The following TLN1 variants were observed in gnomAD, a reference collection of about 807,000 sequenced individuals.
TLN1 encodes the protein talin-1.
Under a neutral mutation model 292.3 loss-of-function variants are expected in TLN1, and 56 were observed. That is an observed-to-expected ratio of 0.19 (90% CI 0.15 to 0.24). TLN1 has a LOEUF of 0.24. Ranked by LOEUF, TLN1 falls within the 10% of genes least tolerant of loss-of-function variation. The pLI, the probability that TLN1 is intolerant of heterozygous loss-of-function variation, is 1.00. For missense variants in TLN1, 2,433 were observed against 3,248.2 expected (o/e 0.75, Z 6.10); for synonymous variants, 1,119 against 1,253.7 (o/e 0.89, Z 2.27).
In TLN1 at chr9:35,704,914, A is replaced by C. The variant is rs747279595; in HGVS notation, c.5734-99T>G. 41 of 1,364,918 alleles carry C rather than the reference A, an allele frequency of 3.0e-5. No homozygotes were observed. Among genetic ancestry groups the C allele is most frequent in the Non-Finnish European group, 3.8e-5 (38 of 998,682 alleles). 84.6% of individuals were successfully genotyped at this position (1,364,918 alleles called of 1,614,324 possible). ...ACTAAGGACATAGAAAAAAACATGC[A>C]TTGTAGACTAAAGAAGCAGAGAGAG... On this transcript the variant is annotated intron_variant, in intron 43 of 56. Transcript: ENST00000314888. This position sits in a 1 kb window ranked among gnomAD's most constrained non-coding sequence, Gnocchi z 6.9.
At position 35,719,453 on chromosome 9, in the gene TLN1, T is replaced by G; in HGVS notation, c.1687+66A>C. ...ACAGTCACACATGAAGCCAGTCACA[T>G]GCATGCCTGTGCACACTTGCACCCC... is the stretch of plus-strand genomic sequence containing the variant. On this transcript the variant is annotated intron_variant, in intron 15 of 56. Transcript: ENST00000314888. The surrounding 1 kb of genome is among the most constrained non-coding windows in gnomAD (Gnocchi z 4.6). 4.2e-6 allele frequency: 6 copies of G among 1,444,336 alleles called. No individual in the cohort carries two copies. Among genetic ancestry groups the G allele is most frequent in the South Asian group, 2.3e-5 (2 of 87,644 alleles). 89.5% of individuals were successfully genotyped at this position (1,444,336 alleles called of 1,614,324 possible).
Position 35,711,123 on chromosome 9 carries a change from A to T in TLN1, c.4020-41T>A, listed in dbSNP as rs141608333. 1.3e-4 allele frequency: 217 copies of T among 1,610,868 alleles called. 1 individual carries two copies. In the African/African-American group the frequency reaches 2.5e-3, roughly 19 times the overall value. ...AGTTGAGTGAAAAGGTGAATAGGTCATCATTCCTGGGTCCTATGTAAGTAT... is the reference window on the plus strand; with the variant it reads ...AGTTGAGTGAAAAGGTGAATAGGTCTTCATTCCTGGGTCCTATGTAAGTAT... On this transcript the variant is annotated intron_variant, in intron 30 of 56. Transcript: ENST00000314888.
intron 12 of TLN1, 50 bp from the exon 13 acceptor site, chr9:35,720,269 C>T (rs370482394): frequency 2.4e-5 from 37 of 1,545,948 alleles, no homozygotes; most frequent in African/African-American, 5.5e-5. Flanking sequence ...CATCTCTACC[C>T]GTCCCACCCG....
rs565403219 is a variant in TLN1 at position 35,707,996 on chromosome 9, A to C, written c.4471-104T>G. The C allele has an allele frequency of 1.4e-4, 191 of 1,333,640 alleles. No individual in the cohort carries two copies. The African/African-American group carries it at 2.1e-3, about 15-fold the overall frequency. 82.6% of individuals were successfully genotyped at this position (1,333,640 alleles called of 1,614,324 possible). ...GGGGATGGAGAGCAATACCCTGAGG[A>C]GTCAAAACAGGAATAACAGAGTCAC... On this transcript the variant is annotated intron_variant, in intron 34 of 56. Transcript: ENST00000314888. The surrounding 1 kb of genome is among the most constrained non-coding windows in gnomAD (Gnocchi z 5.6).
chr9:35,707,620 C>A lies in TLN1; in HGVS notation c.4632+111G>T. The A allele has an allele frequency of 6.3e-7, 1 of 1,580,450 alleles. No individual in the cohort carries two copies. The highest frequency in any genetic ancestry group is 8.6e-7 in the Non-Finnish European group (1 of 1,159,634). ...AGGTGGTCAGTCTGAATAGAAAGAGCTTGGGCTCAGGCAGAGGGGATTTGG... is the reference window on the plus strand; with the variant it reads ...AGGTGGTCAGTCTGAATAGAAAGAGATTGGGCTCAGGCAGAGGGGATTTGG... On this transcript the variant is annotated intron_variant, in intron 35 of 56. Coordinates refer to ENST00000314888, the MANE Select transcript of TLN1 (RefSeq NM_006289.4). This position sits in a 1 kb window ranked among gnomAD's most constrained non-coding sequence, Gnocchi z 5.6.
rs1407302958 is a variant in TLN1 at position 35,719,230 on chromosome 9, G to T, written c.1740C>A (p.Ile580=). 1 of 1,614,228 alleles carries T rather than the reference G, an allele frequency of 6.2e-7. No homozygotes were observed. Among genetic ancestry groups the T allele is most frequent in the East Asian group, 2.2e-5 (1 of 44,886 alleles). The change falls in exon 16 of 57, where the codon ATC becomes ATA. Residue 580 remains isoleucine (I), a synonymous_variant. Coordinates refer to ENST00000314888, the MANE Select transcript of TLN1 (RefSeq NM_006289.4). This position sits in a 1 kb window ranked among gnomAD's most constrained non-coding sequence, Gnocchi z 4.6. ...YTAVGCAVTT[I]SSNLTEMSRG... is the part of the protein sequence containing the mutation. Reference sequence around the variant, plus strand: ...GGGACATCTCCGTCAGGTTGGAGGAGATTGTGGTGACTGCACAGCCCACTG... The same window carrying T: ...GGGACATCTCCGTCAGGTTGGAGGATATTGTGGTGACTGCACAGCCCACTG...
rs146318074 is a variant in TLN1, at chr9:35,724,282, G to A, written c.564C>T (p.His188=). 3.6e-4 allele frequency: 582 copies of A among 1,614,094 alleles called. 3 individuals are homozygous for A. The African/African-American group carries it at 6.4e-3, about 18-fold the overall frequency. The change falls in exon 6 of 57, where the codon CAC becomes CAT. Residue 188 remains histidine (H), a synonymous_variant. Coordinates refer to ENST00000314888, the MANE Select transcript of TLN1 (RefSeq NM_006289.4). This position sits in a 1 kb window ranked among gnomAD's most constrained non-coding sequence, Gnocchi z 4.7. ...RTLREQGVEE[H]ETLLLRRKFF... is the part of the protein sequence containing the mutation. Reference sequence around the variant, plus strand: ...ACTTCCTCCGCAGCAGCAGCGTCTCGTGCTCCTCTACACCCTGCTCCCTCA... The same window carrying A: ...ACTTCCTCCGCAGCAGCAGCGTCTCATGCTCCTCTACACCCTGCTCCCTCA...
intron 7 of TLN1, chr9:35,723,662 C>T (rs375456055): frequency 2.3e-5 from 8 of 351,788 alleles, no homozygotes; most frequent in South Asian, 1.5e-4. Context: ...AAATTTTACC[C>T]GGTTTCCCTC....
intron 48 of TLN1, among the ~76,000 whole-genome samples, chr9:35,703,099 G>A (rs771103915): frequency 3.6e-4 from 54 of 151,940 alleles, no homozygotes; most frequent in Non-Finnish European, 1.9e-4. Context: ...CCAGGAGTTC[G>A]AGACCAGCCT....
rs983801429 is a variant in TLN1 at position 35,724,392 on chromosome 9, C to G, written c.512-58G>C. On this transcript the variant is annotated intron_variant, in intron 5 of 56. Transcript: ENST00000314888. The surrounding 1 kb of genome is among the most constrained non-coding windows in gnomAD (Gnocchi z 4.7). ...CCCCATGGCCCCTGTGCTGTCTGGT[C>G]TCTGTTTATTTCTGCATTTCCTACC... 2.3e-5 allele frequency: 37 copies of G among 1,605,778 alleles called. No homozygotes were observed. Among genetic ancestry groups the G allele is most frequent in the Non-Finnish European group, 3.2e-5 (37 of 1,174,012 alleles).
At position 35,719,204 on chromosome 9, in the gene TLN1, C is replaced by A. The variant is rs368422507; in HGVS notation, c.1766G>T (p.Arg589Leu). 8 of 1,614,098 alleles carry A rather than the reference C, an allele frequency of 5.0e-6. No individual in the cohort carries two copies. Among genetic ancestry groups the A allele is most frequent in the Non-Finnish European group, 6.8e-6 (8 of 1,180,034 alleles). The change falls in exon 16 of 57, where the codon CGT becomes CTT. Residue 589 changes from arginine to leucine, a missense_variant. This residue lies in a region of TLN1 where 617 missense variants were observed against 770.6 expected (regional missense o/e 0.80). Transcript: ENST00000314888. This position sits in a 1 kb window ranked among gnomAD's most constrained non-coding sequence, Gnocchi z 4.6. ...CAAGGCAGCCAGCAGCTTCACCCCA[C>A]GGGACATCTCCGTCAGGTTGGAGGA... ...TISSNLTEMS[R>L]GVKLLAALLE...
In TLN1 at chr9:35,706,008, CCAG is replaced by C; in HGVS notation, c.5462_5464del (p.Ala1821del). 6.2e-7 allele frequency: 1 copy of C among 1,614,220 alleles called. No individual in the cohort carries two copies. Among genetic ancestry groups the C allele is most frequent in the Non-Finnish European group, 8.5e-7 (1 of 1,180,034 alleles). Reference sequence around the variant, plus strand: ...GGAGTCCACCATGCCACCCACGACCCCAGCAGCACTGGCTGCCTCGTTGAGGGT... The same window carrying C: ...GGAGTCCACCATGCCACCCACGACCCCAGCACTGGCTGCCTCGTTGAGGGT... On this transcript the variant is annotated inframe_deletion, in exon 41 of 57. Coordinates refer to ENST00000314888, the MANE Select transcript of TLN1 (RefSeq NM_006289.4). The surrounding 1 kb of genome is among the most constrained non-coding windows in gnomAD (Gnocchi z 4.2).
chr9:35,700,460 GCA>G (rs1825446507), intron 48 of TLN1, 84 bp from the exon 49 acceptor site: 1 of 1,403,554 alleles, frequency 7.1e-7, no homozygotes, highest in African/African-American at 1.4e-5. Flanking sequence ...GTGATTTGGT[GCA>G]GACATTCACA....
intron 19 of TLN1, 67 bp from the exon 20 acceptor site, chr9:35,716,623 G>A (rs1825788409): frequency 5.1e-6 from 8 of 1,566,036 alleles, no homozygotes; most frequent in East Asian, 2.3e-5. Flanking sequence ...TGGGGACAAA[G>A]GTGGGGAAAA....
In TLN1 at chr9:35,720,229, G is replaced by C. The variant is rs1190603289; in HGVS notation, c.1284-10C>G. On this transcript the variant is annotated splice_polypyrimidine_tract_variant and intron_variant, in intron 12 of 56. Transcript: ENST00000314888. Reference sequence around the variant, plus strand: ...CTGCAGGACTGTTGACCTGTAGAGGGGTGAACTATTGAGCTCACAGAGGAC... The same window carrying C: ...CTGCAGGACTGTTGACCTGTAGAGGCGTGAACTATTGAGCTCACAGAGGAC... 6.4e-7 allele frequency: 1 copy of C among 1,571,650 alleles called. No individual in the cohort carries two copies. Among genetic ancestry groups the C allele is most frequent in the African/African-American group, 1.4e-5 (1 of 73,452 alleles).
At chr9:35,705,920 C>T (rs1485065359) in intron 41 of TLN1, 42 bp downstream of exon 41, 3 of 1,613,984 alleles carry the variant, frequency 1.9e-6, no homozygotes, top group Non-Finnish European at 2.5e-6. Flanking sequence ...AGGCTCTGGC[C>T]CAGGGTAGCC....
chr9:35,714,015 C>T lies in TLN1; in HGVS notation c.3187G>A (p.Asp1063Asn). 6.2e-7 allele frequency: 1 copy of T among 1,614,200 alleles called. No individual in the cohort carries two copies. The change falls in exon 25 of 57, where the codon GAT (aspartate) becomes AAT (asparagine). Residue 1063 changes from aspartate to asparagine, a missense_variant. By Grantham distance (23) the Asp-to-Asn change is conservative. Transcript: ENST00000314888. The surrounding 1 kb of genome is among the most constrained non-coding windows in gnomAD (Gnocchi z 4.6). Reference protein sequence around the residue: ...ALSVVQNLEKDLQEVKAAARD... With the variant: ...ALSVVQNLEKNLQEVKAAARD... ...GCTGCTGCCTTCACTTCCTGTAGATCTTTCTCTAGATTCTGTACCACACTC... is the reference window on the plus strand; with the variant it reads ...GCTGCTGCCTTCACTTCCTGTAGATTTTTCTCTAGATTCTGTACCACACTC...
rs753797912 is a variant in TLN1, at chr9:35,724,825, C to A, written c.358+5G>T. 9.3e-6 allele frequency: 15 copies of A among 1,614,038 alleles called. No individual in the cohort carries two copies. The Admixed American group carries it at 2.5e-4, about 27-fold the overall frequency. On this transcript the variant is annotated splice_donor_5th_base_variant and intron_variant, in intron 4 of 56. Transcript: ENST00000314888. This position sits in a 1 kb window ranked among gnomAD's most constrained non-coding sequence, Gnocchi z 4.7. ...CAGGCTTTCAACTGTACTAGGGCCC[C>A]TTACCAATGCGGGCACAGATGGTCA...
In TLN1 at chr9:35,698,844, C is replaced by T. The variant is rs755939756; in HGVS notation, c.7089G>A (p.Ala2363=). 52 of 1,614,190 alleles carry T rather than the reference C, an allele frequency of 3.2e-5. No homozygotes were observed. Among genetic ancestry groups the T allele is most frequent in the Non-Finnish European group, 3.3e-5 (39 of 1,180,036 alleles). Residue 2363 remains alanine (A), a synonymous_variant, in exon 53 of 57, where the codon GCG becomes GCA. Transcript: ENST00000314888. This position sits in a 1 kb window ranked among gnomAD's most constrained non-coding sequence, Gnocchi z 5.3. ...CCACTAGTTCTCTCTGGGCAGCCGA[C>T]GCAGCCTTTACCAGTGCACTGGTGG... ...AAATSALVKA[A]SAAQRELVAQ...
Sources: allele counts gnomAD v4.1 joint callset (sites outside exome capture counted in the v4.1 genomes callset), GRCh38; gene constraint gnomAD v4.1.1; regional missense constraint gnomAD v4.1.1; non-coding constraint Gnocchi (gnomAD v3.1); transcripts MANE v1.5; gene names NCBI Gene and HGNC (gene_info 2026-07-23, HGNC 2026-07-21).